The following FAM193B variants were observed in gnomAD, a reference collection of about 807,000 sequenced individuals.
FAM193B encodes the protein protein FAM193B.
Under a neutral mutation model 70.7 loss-of-function variants are expected in FAM193B, and 27 were observed. The observed-to-expected ratio is 0.38, with a 90% CI of 0.28 to 0.53. The LOEUF is 0.53. Ranked by LOEUF, FAM193B falls within the 20% of genes least tolerant of loss-of-function variation. FAM193B has a pLI of 0.81. For missense variants in FAM193B, 1,022 were observed against 1,072.5 expected (o/e 0.95, Z 0.66); for synonymous variants, 448 against 436.0 (o/e 1.03, Z -0.34).
intron 1 of FAM193B, chr5:177,553,510 C>T (rs1313092962): frequency 1.8e-6 from 2 of 1,140,688 alleles, no homozygotes; most frequent in African/African-American, 1.7e-5. Flanking sequence ...CCGTTATCTC[C>T]TTTGCTCAAA....
chr5:177,534,463 ATT>A (rs961185759), intron 4 of FAM193B, among the ~76,000 whole-genome samples: 2 of 144,544 alleles, frequency 1.4e-5, no homozygotes, highest in African/African-American at 5.1e-5. Flanking sequence ...TGCCCAGCTA[ATT>A]TTTTTTTTTT....
At chr5:177,528,270 G>A (rs893439263) in intron 5 of FAM193B, among the ~76,000 whole-genome samples, 3 of 152,170 alleles carry the variant, frequency 2.0e-5, no homozygotes, top group African/African-American at 7.2e-5. Flanking sequence ...AAAAGTCACC[G>A]GTGACTCTGG....
Position 177,538,153 on chromosome 5 carries a change from C to A in FAM193B, c.454-46G>T. On this transcript the variant is annotated intron_variant, in intron 2 of 8. Coordinates refer to ENST00000514747, the MANE Select transcript of FAM193B (RefSeq NM_001190946.3). This position sits in a 1 kb window ranked among gnomAD's most constrained non-coding sequence, Gnocchi z 4.1. ...AGGCTCACGGTCAAACAGCAAACAT[C>A]GGAGCTGACCCTCTGCTGCCTCAGC... 1 of 1,488,936 alleles carries A rather than the reference C, an allele frequency of 6.7e-7. No individual in the cohort carries two copies. 92.2% of individuals were successfully genotyped at this position (1,488,936 alleles called of 1,614,324 possible). A position where few individuals can be genotyped will look rare whatever the true frequency, so the allele number is the denominator to read the frequency against.
At chr5:177,551,190 G>A (rs1373957156) in intron 1 of FAM193B, among the ~76,000 whole-genome samples, 1 of 152,162 alleles carries the variant, frequency 6.6e-6, no homozygotes, top group African/African-American at 2.4e-5. Context: ...AAAGCTAGGA[G>A]GCTAAGCTGG....
rs761046325 is a variant in FAM193B at position 177,521,996 on chromosome 5, G to A, written c.2448C>T (p.Thr816=). 2.5e-6 allele frequency: 4 copies of A among 1,613,950 alleles called. No homozygotes were observed. The East Asian group carries it at 6.7e-5, about 27-fold the overall frequency. Reference sequence around the variant, plus strand: ...TACCTCACTGAGCTGTGCTAGGAGTGGTTTTCTTGAGGCTGAAGTTGGTCC... The same window carrying A: ...TACCTCACTGAGCTGTGCTAGGAGTAGTTTTCTTGAGGCTGAAGTTGGTCC... ...VNWTNFSLKK[T]TPSTAQ is the part of the protein sequence containing the mutation. Residue 816 remains threonine (T), a synonymous_variant, in exon 8 of 9, where the codon ACC becomes ACT. Transcript: ENST00000514747.
At chr5:177,553,291 GCCTCAT>G (rs1766545006) in intron 1 of FAM193B, 1 of 988,298 alleles carries the variant, frequency 1.0e-6, no homozygotes, top group Non-Finnish European at 1.2e-6. Flanking sequence ...CTTCCGCCAC[GCCTCAT>G]CCTCATCCGG....
rs971216450 is a variant in FAM193B, at chr5:177,538,361, G to T, written c.454-254C>A. Among the ~76,000 whole-genome samples the T allele has an allele frequency of 6.6e-6, 1 of 152,246 alleles. No individual in the cohort carries two copies. The highest frequency in any genetic ancestry group is 1.5e-5 in the Non-Finnish European group (1 of 68,040). ...ACTCTGGTAGGGGCAGAGACTGCCTGTGAACTGCGGGCCTTTGGGGAGTAG... is the reference window on the plus strand; with the variant it reads ...ACTCTGGTAGGGGCAGAGACTGCCTTTGAACTGCGGGCCTTTGGGGAGTAG... On this transcript the variant is annotated intron_variant, in intron 2 of 8. Transcript: ENST00000514747. The surrounding 1 kb of genome is among the most constrained non-coding windows in gnomAD (Gnocchi z 4.1).
chr5:177,524,675 G>A lies in FAM193B; in HGVS notation c.1806C>T (p.Pro602=), dbSNP rs1322636080. 18 of 1,611,048 alleles carry A rather than the reference G, an allele frequency of 1.1e-5. No homozygotes were observed. Among genetic ancestry groups the A allele is most frequent in the Non-Finnish European group, 1.4e-5 (16 of 1,178,816 alleles). ...CCTCGGAGCTGGGGTAGCCCGGCTT[G>A]GGTGTCTTGACCCAGATCACCCGGG... The part of the protein sequence containing the change: ...NLSRVIWVKT[P]KPGYPSSEEP... Residue 602 remains proline (P), a synonymous_variant, in exon 6 of 9, where the codon CCC becomes CCT. Transcript: ENST00000514747.
At chr5:177,544,378 T>C (rs576437316) in intron 1 of FAM193B, among the ~76,000 whole-genome samples, 4 of 152,180 alleles carry the variant, frequency 2.6e-5, no homozygotes, top group African/African-American at 7.2e-5. Context: ...AAAAGAGAGA[T>C]AAAATCAAAG....
chr5:177,533,019 G>T (rs2127464932), intron 4 of FAM193B, among the ~76,000 whole-genome samples: 1 of 152,338 alleles, frequency 6.6e-6, no homozygotes, highest in East Asian at 1.9e-4. Context: ...GGGCTGTGTT[G>T]CTTCAGTTTT....
Position 177,519,816 on chromosome 5 carries a change from CG to C in FAM193B, c.*366del, listed in dbSNP as rs1331524645. On this transcript the variant is annotated 3_prime_UTR_variant, in exon 9 of 9. Transcript: ENST00000514747. ...TGTGTCCAAATGTTGCTTTATCTTT[CG>C]GCACGAAAGATCTTCACAGTATCAA... is the stretch of plus-strand genomic sequence containing the variant. 6.6e-6 allele frequency: 1 copy of C among 152,112 alleles called. No homozygotes were observed. The highest frequency in any genetic ancestry group is 1.5e-5 in the Non-Finnish European group (1 of 68,020). The allele number at this position is 152,112 out of a possible 1,614,324, so 9.4% of individuals were successfully genotyped here.
At chr5:177,543,574 T>C (rs1302391991) in intron 1 of FAM193B, among the ~76,000 whole-genome samples, 1 of 152,242 alleles carries the variant, frequency 6.6e-6, no homozygotes, top group Non-Finnish European at 1.5e-5. Flanking sequence ...TATGATGCCT[T>C]GTGGAACTGG....
chr5:177,553,926 GAGAGCGGAGCTGC>G (rs1200795110), intron 1 of FAM193B: 4 of 1,225,172 alleles, frequency 3.3e-6, no homozygotes, highest in Non-Finnish European at 4.2e-6. Flanking sequence ...GTGGCGGGCC[GAGAGCGGAGCTGC>G]GGCCTCGGGA....
chr5:177,531,762 T>C (rs1014603146), intron 5 of FAM193B: 108 of 728,602 alleles, frequency 1.5e-4, no homozygotes, highest in South Asian at 1.7e-4. Flanking sequence ...GAAAAACAAG[T>C]TGGAGCCCGG....
chr5:177,532,283 G>A lies in FAM193B; in HGVS notation c.1275+160C>T. ...GTTTAAAAACCCCTACCTCACAAATGTGCTGTGAGGATCAAGCGAGCAGAC... is the reference window on the plus strand; with the variant it reads ...GTTTAAAAACCCCTACCTCACAAATATGCTGTGAGGATCAAGCGAGCAGAC... On this transcript the variant is annotated intron_variant, in intron 5 of 8. Transcript: ENST00000514747. The surrounding 1 kb of genome is among the most constrained non-coding windows in gnomAD (Gnocchi z 4.9). The A allele has an allele frequency of 6.7e-7, 1 of 1,484,696 alleles. No homozygotes were observed. Among genetic ancestry groups the A allele is most frequent in the South Asian group, 1.3e-5 (1 of 76,512 alleles). 92.0% of individuals were successfully genotyped at this position (1,484,696 alleles called of 1,614,324 possible). A position where few individuals can be genotyped will look rare whatever the true frequency, so the allele number is the denominator to read the frequency against.
chr5:177,550,127 C>A (rs1766009560), intron 1 of FAM193B, among the ~76,000 whole-genome samples: 1 of 151,698 alleles, frequency 6.6e-6, no homozygotes, highest in African/African-American at 2.4e-5. Context: ...ATAGCCTGGG[C>A]AACATAGCAA....
At chr5:177,550,715 A>T (rs886949496) in intron 1 of FAM193B, among the ~76,000 whole-genome samples, 2 of 152,230 alleles carry the variant, frequency 1.3e-5, no homozygotes, top group African/African-American at 4.8e-5. Context: ...TAGCAGAGCT[A>T]ACAGGCCAGA....
At chr5:177,523,190 G>A in intron 7 of FAM193B, 1 of 360,448 alleles carries the variant, frequency 2.8e-6, no homozygotes, top group South Asian at 1.9e-5. Flanking sequence ...AGTAGAGACG[G>A]GGTTTCACCA....
intron 4 of FAM193B, 31 bp downstream of exon 4, chr5:177,536,327 A>T (rs768158572): frequency 6.2e-7 from 1 of 1,601,794 alleles, no homozygotes; most frequent in South Asian, 1.1e-5. Context: ...TCAAGTGGGT[A>T]GCGAGTTTGC....
Sources: allele counts gnomAD v4.1 joint callset (sites outside exome capture counted in the v4.1 genomes callset), GRCh38; gene constraint gnomAD v4.1.1; non-coding constraint Gnocchi (gnomAD v3.1); transcripts MANE v1.5; gene names NCBI Gene and HGNC (gene_info 2026-07-23, HGNC 2026-07-21).